The following TRIM11 variants were observed in gnomAD, a reference collection of about 807,000 sequenced individuals.
TRIM11 encodes E3 ubiquitin-protein ligase TRIM11.
In TRIM11, 15 loss-of-function variants were observed where a neutral mutation model predicts 33.4. That is an observed-to-expected ratio of 0.45 (90% CI 0.30 to 0.69). The LOEUF (loss-of-function observed/expected upper bound fraction) is 0.69, where lower values mean the gene tolerates loss of function less well. Among genes scored for constraint, TRIM11 ranks in the 30% least tolerant of loss-of-function variants. TRIM11 has a pLI of 0.08. For missense variants in TRIM11, 499 were observed against 667.6 expected (o/e 0.75, Z 2.78); for synonymous variants, 281 against 302.6 (o/e 0.93, Z 0.74).
chr1:228,401,224 GGCCAGACCCCAGGCCCA>G lies in TRIM11; in HGVS notation c.505-47_505-31del, dbSNP rs764583424. The G allele has an allele frequency of 2.3e-5, 37 of 1,602,192 alleles. No individual in the cohort carries two copies. The Admixed American group carries it at 6.1e-4, about 26-fold the overall frequency. On this transcript the variant is annotated intron_variant, in intron 2 of 5. Coordinates refer to ENST00000284551, the MANE Select transcript of TRIM11 (RefSeq NM_145214.3). This position sits in a 1 kb window ranked among gnomAD's most constrained non-coding sequence, Gnocchi z 6.1. ...GGAGCCCAGGGAGAAGGACAGCTGA[GGCCAGACCCCAGGCCCA>G]GCCAGACCCCAAGTTTGGTCAGACC...
chr1:228,396,367 T>A (rs2074987028), intron 5 of TRIM11: 1 of 409,540 alleles, frequency 2.4e-6, no homozygotes, highest in African/African-American at 2.0e-5. Context: ...AGTTTCCAGG[T>A]TGGTGAGCAC....
rs1364162835 is a variant in TRIM11, at chr1:228,397,180, G to A, written c.736-15C>T. The A allele has an allele frequency of 4.3e-6, 7 of 1,610,672 alleles. No homozygotes were observed. The African/African-American group carries it at 5.3e-5, about 12-fold the overall frequency. ...TCCTTGATGTCCTATGTGGGGAGGA[G>A]AAACAGCACACTCGGTGTCAGTGAC... On this transcript the variant is annotated splice_polypyrimidine_tract_variant and intron_variant, in intron 3 of 5. Coordinates refer to ENST00000284551, the MANE Select transcript of TRIM11 (RefSeq NM_145214.3).
chr1:228,395,381 C>T lies in TRIM11; in HGVS notation c.860-129G>A. The T allele has an allele frequency of 1.0e-6, 1 of 960,548 alleles. No individual in the cohort carries two copies. The highest frequency in any genetic ancestry group is 1.4e-6 in the Non-Finnish European group (1 of 716,072). 59.5% of individuals were successfully genotyped at this position (960,548 alleles called of 1,614,324 possible). ...TGGCTCTCTGCCCTGGGCCTGTAGC[C>T]TCACAACCTCCTGGAGTAACTAACT... On this transcript the variant is annotated intron_variant, in intron 5 of 5. Transcript: ENST00000284551. The surrounding 1 kb of genome is among the most constrained non-coding windows in gnomAD (Gnocchi z 4.8).
chr1:228,395,175 C>A lies in TRIM11; in HGVS notation c.937G>T (p.Asp313Tyr). 1 of 1,519,552 alleles carries A rather than the reference C, an allele frequency of 6.6e-7. No individual in the cohort carries two copies. Among genetic ancestry groups the A allele is most frequent in the Non-Finnish European group, 8.8e-7 (1 of 1,140,408 alleles). 94.1% of individuals were successfully genotyped at this position (1,519,552 alleles called of 1,614,324 possible). Residue 313 changes from aspartate (D) to tyrosine (Y), a missense_variant, in exon 6 of 6, where the codon GAC (aspartate) becomes TAC (tyrosine). Physicochemically the swap from Asp to Tyr is radical, Grantham distance 160. Coordinates refer to ENST00000284551, the MANE Select transcript of TRIM11 (RefSeq NM_145214.3). This position sits in a 1 kb window ranked among gnomAD's most constrained non-coding sequence, Gnocchi z 4.8. The part of the protein sequence containing the change: ...SEDRRSVQRG[D>Y]LRQALPDSPE... ...CTGTCCGGCAGGGCCTGCCGTAGGT[C>A]CCCCCGCTGCACGCTCCGCCTGTCT...
At chr1:228,398,942 C>T (rs531556145) in intron 3 of TRIM11, among the ~76,000 whole-genome samples, 9 of 152,180 alleles carry the variant, frequency 5.9e-5, no homozygotes, top group East Asian at 1.9e-4. Flanking sequence ...GCACAGAACA[C>T]GGGCCCTCCA....
At chr1:228,404,850 G>A (rs949025040) in intron 1 of TRIM11, 1 of 152,150 alleles carries the variant, frequency 6.6e-6, no homozygotes, top group South Asian at 2.1e-4. Flanking sequence ...GCTGAAATAC[G>A]CTTTTCTATG....
At chr1:228,402,185 C>G in intron 1 of TRIM11, 24 bp from the exon 2 acceptor site, 2 of 1,580,510 alleles carry the variant, frequency 1.3e-6, no homozygotes, top group Non-Finnish European at 1.7e-6. Flanking sequence ...CAGGCAGGAC[C>G]ATGAGACATG....
At position 228,406,114 on chromosome 1, in the gene TRIM11, C is replaced by A; in HGVS notation, c.408+40G>T. On this transcript the variant is annotated intron_variant, in intron 1 of 5. Coordinates refer to ENST00000284551, the MANE Select transcript of TRIM11 (RefSeq NM_145214.3). This position sits in a 1 kb window ranked among gnomAD's most constrained non-coding sequence, Gnocchi z 8.2. ...CCGCCCAGGCCTCCCCAGTCCCCGGCTCCCCGACGCCCCTGCACGCCACCC... is the reference window on the plus strand; with the variant it reads ...CCGCCCAGGCCTCCCCAGTCCCCGGATCCCCGACGCCCCTGCACGCCACCC... 1 of 1,334,768 alleles carries A rather than the reference C, an allele frequency of 7.5e-7. No homozygotes were observed. The highest frequency in any genetic ancestry group is 1.5e-5 in the African/African-American group (1 of 64,808). The allele number at this position is 1,334,768 out of a possible 1,614,324, so 82.7% of individuals were successfully genotyped here.
chr1:228,397,837 C>T (rs1396373644), intron 3 of TRIM11: 2 of 152,234 alleles, frequency 1.3e-5, no homozygotes, highest in African/African-American at 4.8e-5. Flanking sequence ...TCCAAAATAA[C>T]TTGAGTCTCA....
At position 228,394,103 on chromosome 1, in the gene TRIM11, A is replaced by C. The variant is rs1282332208; in HGVS notation, c.*602T>G. 6.6e-6 allele frequency: 1 copy of C among 152,452 alleles called. No homozygotes were observed. The highest frequency in any genetic ancestry group is 1.9e-4 in the East Asian group (1 of 5,188). 9.4% of individuals were successfully genotyped at this position (152,452 alleles called of 1,614,324 possible). A position where few individuals can be genotyped will look rare whatever the true frequency, so the allele number is the denominator to read the frequency against. ...CCAGGCACCTCCCAGAAGCCCCTTTATTATAGGACATCTACTCTCTGTTCC... is the reference window on the plus strand; with the variant it reads ...CCAGGCACCTCCCAGAAGCCCCTTTCTTATAGGACATCTACTCTCTGTTCC... On this transcript the variant is annotated 3_prime_UTR_variant, in exon 6 of 6. Coordinates refer to ENST00000284551, the MANE Select transcript of TRIM11 (RefSeq NM_145214.3). This position sits in a 1 kb window ranked among gnomAD's most constrained non-coding sequence, Gnocchi z 6.2.
Position 228,395,155 on chromosome 1 carries a change from C to G in TRIM11, c.957G>C (p.Pro319=), listed in dbSNP as rs200056437. 2.6e-3 allele frequency: 3,906 copies of G among 1,519,712 alleles called. 19 individuals are homozygous for G. The highest frequency in any genetic ancestry group is 6.7e-3 in the Middle Eastern group (38 of 5,690). The allele number at this position is 1,519,712 out of a possible 1,614,324, so 94.1% of individuals were successfully genotyped here. The change falls in exon 6 of 6, where the codon CCG becomes CCC. Residue 319 remains proline, a synonymous_variant. Transcript: ENST00000284551. The surrounding 1 kb of genome is among the most constrained non-coding windows in gnomAD (Gnocchi z 4.8). ...VQRGDLRQAL[P]DSPERFDPGP... ...CGGGGTCAAAGCGCTCTGGGCTGTC[C>G]GGCAGGGCCTGCCGTAGGTCCCCCC...
rs1656139425 is a variant in TRIM11, at chr1:228,400,224, A to C, written c.735+740T>G. Among the ~76,000 whole-genome samples the C allele has an allele frequency of 6.6e-6, 1 of 152,242 alleles. No individual in the cohort carries two copies. Among genetic ancestry groups the C allele is most frequent in the East Asian group, 1.9e-4 (1 of 5,200 alleles). On this transcript the variant is annotated intron_variant, in intron 3 of 5. Transcript: ENST00000284551. The surrounding 1 kb of genome is among the most constrained non-coding windows in gnomAD (Gnocchi z 4.5). ...TGGAACACGTTCTCCATTTTGTGGG[A>C]AAAACATCCAGCTGAACCCCACGGG... is the stretch of plus-strand genomic sequence containing the variant.
Position 228,406,584 on chromosome 1 carries a change from G to A in TRIM11, c.-23C>T, listed in dbSNP as rs1656426007. 7 of 1,452,800 alleles carry A rather than the reference G, an allele frequency of 4.8e-6. 1 individual carries two copies. The South Asian group carries it at 7.1e-5, about 15-fold the overall frequency. 90.0% of individuals were successfully genotyped at this position (1,452,800 alleles called of 1,614,324 possible). On this transcript the variant is annotated 5_prime_UTR_variant, in exon 1 of 6. Coordinates refer to ENST00000284551, the MANE Select transcript of TRIM11 (RefSeq NM_145214.3). The surrounding 1 kb of genome is among the most constrained non-coding windows in gnomAD (Gnocchi z 8.2). Reference sequence around the variant, plus strand: ...CATGGCGCGGACAGAGGGGAGGAAGGCGGTACTGTCCGCGGGGCGGCGGCG... The same window carrying A: ...CATGGCGCGGACAGAGGGGAGGAAGACGGTACTGTCCGCGGGGCGGCGGCG...
At chr1:228,399,858 C>T (rs1225782111) in intron 3 of TRIM11, among the ~76,000 whole-genome samples, 1 of 119,812 alleles carries the variant, frequency 8.3e-6, no homozygotes, top group Non-Finnish European at 1.6e-5. Context: ...ACTCTGACTG[C>T]ACTTGTACCC....
Position 228,400,758 on chromosome 1 carries a change from G to A in TRIM11, c.735+206C>T, listed in dbSNP as rs768612085. Among the ~76,000 whole-genome samples, 1 of 152,146 alleles carries A rather than the reference G, an allele frequency of 6.6e-6. No homozygotes were observed. Among genetic ancestry groups the A allele is most frequent in the South Asian group, 2.1e-4 (1 of 4,830 alleles). On this transcript the variant is annotated intron_variant, in intron 3 of 5. Coordinates refer to ENST00000284551, the MANE Select transcript of TRIM11 (RefSeq NM_145214.3). The surrounding 1 kb of genome is among the most constrained non-coding windows in gnomAD (Gnocchi z 4.5). ...GAGGAAAATTGATTTTCCCTTTCTC[G>A]GCACGTGGGTTTTGGGGGTGGGACA...
chr1:228,402,011 C>CT, intron 2 of TRIM11, 55 bp downstream of exon 2: 1 of 1,498,300 alleles, frequency 6.7e-7, no homozygotes, highest in Non-Finnish European at 9.2e-7. Flanking sequence ...GTCTCCTATA[C>CT]AGGACCTTCA....
chr1:228,406,735 C>T lies in TRIM11; in HGVS notation c.-174G>A, dbSNP rs1199546614. 1.9e-6 allele frequency: 1 copy of T among 521,078 alleles called. No homozygotes were observed. The allele number at this position is 521,078 out of a possible 1,614,324, so 32.3% of individuals were successfully genotyped here. A position where few individuals can be genotyped will look rare whatever the true frequency, so the allele number is the denominator to read the frequency against. ...TCCGGGGCGCGGGGACTCCAGGGCG[C>T]AGGACTCTGGGTTTCGGTAGCGCTG... On this transcript the variant is annotated 5_prime_UTR_variant, in exon 1 of 6. Coordinates refer to ENST00000284551, the MANE Select transcript of TRIM11 (RefSeq NM_145214.3). The surrounding 1 kb of genome is among the most constrained non-coding windows in gnomAD (Gnocchi z 8.2).
In TRIM11 at chr1:228,394,822, G is replaced by A. The variant is rs143172746; in HGVS notation, c.1290C>T (p.Pro430=). Residue 430 remains proline (P), a synonymous_variant, in exon 6 of 6, where the codon CCC becomes CCT. Coordinates refer to ENST00000284551, the MANE Select transcript of TRIM11 (RefSeq NM_145214.3). The surrounding 1 kb of genome is among the most constrained non-coding windows in gnomAD (Gnocchi z 6.2). ...ATDGSLLFIF[P]EIPFSGTLRP... Reference sequence around the variant, plus strand: ...GCAGCGTCCCCGAGAAGGGGATCTCGGGAAAGATGAATAGCAGTGACCCAT... The same window carrying A: ...GCAGCGTCCCCGAGAAGGGGATCTCAGGAAAGATGAATAGCAGTGACCCAT... 8.7e-6 allele frequency: 14 copies of A among 1,613,956 alleles called. No individual in the cohort carries two copies. The highest frequency in any genetic ancestry group is 5.5e-5 in the South Asian group (5 of 91,072).
In TRIM11 at chr1:228,401,562, G is replaced by C. The variant is rs1656225922; in HGVS notation, c.505-368C>G. On this transcript the variant is annotated intron_variant, in intron 2 of 5. Transcript: ENST00000284551. This position sits in a 1 kb window ranked among gnomAD's most constrained non-coding sequence, Gnocchi z 6.1. ...CCACCCATTGGCTTGGTAGAACCCT[G>C]CATCTACCACCTGGGGCCAGCTGGA... Among the ~76,000 whole-genome samples, 1 of 151,856 alleles carries C rather than the reference G, an allele frequency of 6.6e-6. No homozygotes were observed. The highest frequency in any genetic ancestry group is 2.1e-4 in the South Asian group (1 of 4,816).
Sources: allele counts gnomAD v4.1 joint callset (sites outside exome capture counted in the v4.1 genomes callset), GRCh38; gene constraint gnomAD v4.1.1; non-coding constraint Gnocchi (gnomAD v3.1); transcripts MANE v1.5; gene names NCBI Gene and HGNC (gene_info 2026-07-23, HGNC 2026-07-21).